The following EXT1 variants were observed in gnomAD, a reference collection of about 807,000 sequenced individuals.
EXT1 encodes exostosin glycosyltransferase 1, also known as exostosin-1.
A neutral mutation model predicts 82.5 loss-of-function variants in EXT1; 20 were observed. That is an observed-to-expected ratio of 0.24 (90% CI 0.17 to 0.35). The LOEUF (loss-of-function observed/expected upper bound fraction) is 0.35, where lower values mean the gene tolerates loss of function less well. EXT1 is among the 10% of genes least tolerant of loss of function. The pLI, the probability that EXT1 is intolerant of heterozygous loss-of-function variation, is 1.00. For missense variants in EXT1, 757 were observed against 936.5 expected, an observed-to-expected ratio of 0.81 and a Z score of 2.50; for synonymous variants, 348 against 350.8, an observed-to-expected ratio of 0.99 and a Z score of 0.09.
chr8:118,012,254 C>T (rs1269017540), intron 1 of EXT1, among the ~76,000 whole-genome samples: 1 of 152,230 alleles, frequency 6.6e-6, no homozygotes, highest in African/African-American at 2.4e-5. Context: ...AATTTAGAAG[C>T]CTTGCTGAAA....
intron 9 of EXT1, among the ~76,000 whole-genome samples, chr8:117,805,737 T>C (rs764865719): frequency 5.9e-5 from 9 of 152,186 alleles, no homozygotes; most frequent in Non-Finnish European, 1.0e-4. Context: ...TAAGGCAAGA[T>C]TGGTGTGTTC....
chr8:117,999,897 A>G (rs1328276762), intron 1 of EXT1, among the ~76,000 whole-genome samples: 1 of 152,012 alleles, frequency 6.6e-6, no homozygotes, highest in Non-Finnish European at 1.5e-5. Context: ...ACATCTCATA[A>G]AGCTAAAAGG....
intron 1 of EXT1, among the ~76,000 whole-genome samples, chr8:117,884,838 C>T (rs1256868105): frequency 6.6e-6 from 1 of 152,194 alleles, no homozygotes; most frequent in Non-Finnish European, 1.5e-5. Context: ...CATCACATCC[C>T]GTCTTCTCTC....
intron 1 of EXT1, among the ~76,000 whole-genome samples, chr8:118,017,494 C>A (rs766133749): frequency 2.0e-5 from 3 of 151,990 alleles, no homozygotes; most frequent in Non-Finnish European, 4.4e-5. Context: ...CCCCTCACCA[C>A]TGTATCTCCC....
chr8:118,054,251 C>T (rs1816760616), intron 1 of EXT1, among the ~76,000 whole-genome samples: 1 of 152,196 alleles, frequency 6.6e-6, no homozygotes, highest in South Asian at 2.1e-4. Flanking sequence ...AGGAAGCCAT[C>T]TTTCCTAGTA....
At chr8:117,868,617 C>CT (rs1484485311) in intron 1 of EXT1, among the ~76,000 whole-genome samples, 2 of 151,800 alleles carry the variant, frequency 1.3e-5, no homozygotes, top group African/African-American at 4.8e-5. Flanking sequence ...TGCCTGGCTA[C>CT]TTTTTTATTT....
intron 1 of EXT1, among the ~76,000 whole-genome samples, chr8:117,973,555 G>A (rs1814987139): frequency 6.6e-6 from 1 of 152,020 alleles, no homozygotes; most frequent in African/African-American, 2.4e-5. Context: ...GACTGCATGA[G>A]CCTAGGAGTT....
At chr8:117,837,055 T>C in intron 2 of EXT1, 53 bp downstream of exon 2, 1 of 1,294,450 alleles carries the variant, frequency 7.7e-7, no homozygotes, top group Non-Finnish European at 1.1e-6. Context: ...TAAACCCACT[T>C]AATCTGGCTT....
rs1183004981 is a variant in EXT1 at position 117,968,812 on chromosome 8, G to A, written c.963-131611C>T. Among the ~76,000 whole-genome samples, 7 of 143,254 alleles carry A rather than the reference G, an allele frequency of 4.9e-5. 1 individual carries two copies. In the South Asian group the frequency reaches 6.8e-4, roughly 14 times the overall value. 94.0% of individuals were successfully genotyped at this position (143,254 alleles called of 152,430 possible). ...TCTCGATCTCCTGACCTTGTGATCC[G>A]CCCGCCTCGGCCTCCCAAAGTGCTG... On this transcript the variant is annotated intron_variant, in intron 1 of 10. Transcript: ENST00000378204.
In EXT1 at chr8:117,862,903, G is replaced by GC. The variant is rs1317628387; in HGVS notation, c.963-25703dup. Among the ~76,000 whole-genome samples, 10 of 142,818 alleles carry GC rather than the reference G, an allele frequency of 7.0e-5. 1 individual carries two copies. Among genetic ancestry groups the GC allele is most frequent in the African/African-American group, 2.5e-4 (10 of 40,656 alleles). The allele number at this position is 142,818 out of a possible 152,430, so 93.7% of individuals were successfully genotyped here. A position where few individuals can be genotyped will look rare whatever the true frequency, so the allele number is the denominator to read the frequency against. On this transcript the variant is annotated intron_variant, in intron 1 of 10. Coordinates refer to ENST00000378204, the MANE Select transcript of EXT1 (RefSeq NM_000127.3). Reference sequence around the variant, plus strand: ...GGAAGAATAATTCGGGAAGTGGAAAGCATGTATGCAGAGCCCCAGGTTGCA... The same window carrying GC: ...GGAAGAATAATTCGGGAAGTGGAAAGCCATGTATGCAGAGCCCCAGGTTGCA...
chr8:117,871,783 C>A (rs1812877695), intron 1 of EXT1, among the ~76,000 whole-genome samples: 1 of 152,158 alleles, frequency 6.6e-6, no homozygotes, highest in Admixed American at 6.5e-5. Context: ...TCCACAGTAT[C>A]CCCTAGGGTA....
intron 1 of EXT1, among the ~76,000 whole-genome samples, chr8:117,858,844 G>GGAAGGAAAGAAAGAAA (rs1812627618): frequency 1.2e-5 from 1 of 85,284 alleles, no homozygotes; most frequent in African/African-American, 5.3e-5. Context: ...AAGGAAGGAA[G>GGAAGGAAAGAAAGAAA]GAAAGAAAGA....
At chr8:118,089,530 A>G (rs977018888) in intron 1 of EXT1, among the ~76,000 whole-genome samples, 2 of 152,240 alleles carry the variant, frequency 1.3e-5, no homozygotes, top group Non-Finnish European at 2.9e-5. Flanking sequence ...AGAATAAAAT[A>G]TATCCACTAA....
At chr8:117,870,428 G>T (rs538857777) in intron 1 of EXT1, among the ~76,000 whole-genome samples, 5 of 152,186 alleles carry the variant, frequency 3.3e-5, no homozygotes, top group Non-Finnish European at 7.3e-5. Flanking sequence ...AGGCACAGGG[G>T]ATACAAAGGT....
At chr8:117,881,055 A>G (rs1813051288) in intron 1 of EXT1, among the ~76,000 whole-genome samples, 1 of 152,180 alleles carries the variant, frequency 6.6e-6, no homozygotes, top group South Asian at 2.1e-4. Context: ...AAAGCCATCT[A>G]GTAGAAATCA....
intron 1 of EXT1, among the ~76,000 whole-genome samples, chr8:117,847,937 C>A (rs553548657): frequency 6.6e-6 from 1 of 152,298 alleles, no homozygotes; most frequent in African/African-American, 2.4e-5. Flanking sequence ...TGCCACCAAC[C>A]TCACCTTCCC....
At chr8:118,051,707 C>T (rs1816719785) in intron 1 of EXT1, among the ~76,000 whole-genome samples, 1 of 152,310 alleles carries the variant, frequency 6.6e-6, no homozygotes, top group Non-Finnish European at 1.5e-5. Context: ...TGTTTCCAAA[C>T]ACGGAGTGCT....
intron 1 of EXT1, among the ~76,000 whole-genome samples, chr8:118,104,180 G>T (rs10102634): frequency 0.12 from 17,987 of 152,226 alleles, 1,131 homozygotes; most frequent in Middle Eastern, 0.16. Flanking sequence ...TTGTTGAAAG[G>T]TTCTATGAAC....
At chr8:118,072,713 G>A (rs1227388289) in intron 1 of EXT1, among the ~76,000 whole-genome samples, 1 of 152,160 alleles carries the variant, frequency 6.6e-6, no homozygotes, top group Non-Finnish European at 1.5e-5. Flanking sequence ...ATCTTAGCTT[G>A]GCCGTGTCTT....
Sources: gnomAD v4.1 joint callset for allele counts (sites outside exome capture counted in the v4.1 genomes callset) on GRCh38, gnomAD v4.1.1 for gene constraint, MANE v1.5 for transcripts, NCBI Gene and HGNC (gene_info 2026-07-23, HGNC 2026-07-21) for gene names.